The following SIL1 variants were observed in gnomAD, a reference collection of about 807,000 sequenced individuals.
SIL1 encodes SIL1 nucleotide exchange factor, also known as nucleotide exchange factor SIL1.
Under a neutral mutation model 49.1 loss-of-function variants are expected in SIL1, and 40 were observed. The ratio of observed to expected loss-of-function variants is 0.81; its 90% CI spans 0.63 to 1.06. SIL1 has a LOEUF of 1.06. SIL1 is among the 50% of genes least tolerant of loss of function. The pLI is 0.00. For synonymous variants in SIL1, 253 were observed against 250.8 expected, an observed-to-expected ratio of 1.01 and a Z score of -0.08; for missense variants, 500 against 572.6, an observed-to-expected ratio of 0.87 and a Z score of 1.29.
chr5:139,014,687 T>C (rs954159457), intron 7 of SIL1, among the ~76,000 whole-genome samples: 6 of 152,328 alleles, frequency 3.9e-5, no homozygotes, highest in Non-Finnish European at 5.9e-5. Context: ...CGTCATTATT[T>C]GCCATTTGAA....
intron 1 of SIL1, among the ~76,000 whole-genome samples, chr5:139,162,535 C>T (rs1160358912): frequency 6.6e-6 from 1 of 152,210 alleles, no homozygotes; most frequent in African/African-American, 2.4e-5. Flanking sequence ...TCTCCACAGA[C>T]TGTTCCAATT....
intron 1 of SIL1, among the ~76,000 whole-genome samples, chr5:139,193,261 T>G (rs1346647799): frequency 6.6e-6 from 1 of 152,060 alleles, no homozygotes; most frequent in African/African-American, 2.4e-5. Flanking sequence ...ACATCTGTGG[T>G]ATTAAAATTC....
intron 3 of SIL1, among the ~76,000 whole-genome samples, chr5:139,091,693 C>T (rs1176566397): frequency 6.6e-6 from 1 of 152,168 alleles, no homozygotes. Flanking sequence ...TGGCAATAAC[C>T]TGGATGAGCC....
intron 1 of SIL1, among the ~76,000 whole-genome samples, chr5:139,144,024 T>C (rs916068097): frequency 5.9e-5 from 9 of 152,236 alleles, no homozygotes; most frequent in African/African-American, 1.9e-4. Flanking sequence ...GCTAAAATGA[T>C]AGTATTACCC....
At chr5:139,142,141 C>G (rs1055517287) in intron 1 of SIL1, among the ~76,000 whole-genome samples, 1 of 152,180 alleles carries the variant, frequency 6.6e-6, no homozygotes, top group Non-Finnish European at 1.5e-5. Flanking sequence ...TTCACCTGGC[C>G]CAACTTCAAA....
In SIL1 at chr5:139,026,831, C is replaced by A; in HGVS notation, c.615G>T (p.Ala205=). ...GGACATAATATTCAAGATCAAAGAG[C>A]GCAGCAATCTTCTCTTCCAAACTGG... is the stretch of plus-strand genomic sequence containing the variant. ...SSSSLEEKIA[A]LFDLEYYVHQ... The change falls in exon 6 of 10, where the codon GCG becomes GCT. Residue 205 remains alanine, a synonymous_variant. Transcript: ENST00000394817. 6.2e-7 allele frequency: 1 copy of A among 1,614,010 alleles called. No homozygotes were observed.
At chr5:139,182,253 AT>A (rs1455022015) in intron 1 of SIL1, among the ~76,000 whole-genome samples, 1 of 152,172 alleles carries the variant, frequency 6.6e-6, no homozygotes, top group African/African-American at 2.4e-5. Context: ...TAAGGAGAAG[AT>A]TGCCCTCTCA....
intron 3 of SIL1, among the ~76,000 whole-genome samples, chr5:139,118,299 C>T (rs549292855): frequency 3.3e-5 from 5 of 152,290 alleles, no homozygotes; most frequent in African/African-American, 9.6e-5. Context: ...GTACCCTCAC[C>T]GGCATCCAGT....
intron 5 of SIL1, among the ~76,000 whole-genome samples, chr5:139,040,972 G>T (rs1038812386): frequency 6.6e-6 from 1 of 152,174 alleles, no homozygotes; most frequent in Non-Finnish European, 1.5e-5. Context: ...AGAGAACAAG[G>T]TTAAGTGGGT....
At chr5:139,082,488 C>A (rs1203947570) in intron 3 of SIL1, among the ~76,000 whole-genome samples, 3 of 152,192 alleles carry the variant, frequency 2.0e-5, no homozygotes, top group African/African-American at 7.2e-5. Flanking sequence ...TCATTTGATA[C>A]AAAGACCAGA....
At chr5:139,168,425 G>A (rs186999059) in intron 1 of SIL1, among the ~76,000 whole-genome samples, 1 of 152,146 alleles carries the variant, frequency 6.6e-6, no homozygotes, top group Admixed American at 6.5e-5. Context: ...TGTGTTCCTG[G>A]AGCAGCTTGC....
At position 139,004,547 on chromosome 5, in the gene SIL1, T is replaced by A. The variant is rs552546730; in HGVS notation, c.767+16624A>T. On this transcript the variant is annotated intron_variant, in intron 7 of 9. Coordinates refer to ENST00000394817, the MANE Select transcript of SIL1 (RefSeq NM_022464.5). The stretch of plus-strand genomic sequence containing the variant: ...ATCTCTTAACCTCTTTTTTCATTTT[T>A]CTGTCTATGCTGCACTTTAGGTAAT... 2.7e-3 allele frequency among the ~76,000 whole-genome samples: 411 copies of A among 152,308 alleles called. 3 individuals carry two copies. Among genetic ancestry groups the A allele is most frequent in the African/African-American group, 9.6e-3 (398 of 41,560 alleles).
chr5:139,025,916 T>A (rs1768638075), intron 6 of SIL1, among the ~76,000 whole-genome samples: 1 of 152,202 alleles, frequency 6.6e-6, no homozygotes, highest in Non-Finnish European at 1.5e-5. Flanking sequence ...CAAATAGGGG[T>A]TGCTGTGCCC....
chr5:139,129,783 G>A (rs190647905), intron 1 of SIL1, among the ~76,000 whole-genome samples: 4 of 152,304 alleles, frequency 2.6e-5, no homozygotes, highest in African/African-American at 9.6e-5. Context: ...AACTTAGAAG[G>A]AAACATAGAT....
intron 7 of SIL1, among the ~76,000 whole-genome samples, chr5:138,978,371 C>T (rs1255574664): frequency 6.6e-6 from 1 of 152,088 alleles, no homozygotes; most frequent in Admixed American, 6.5e-5. Flanking sequence ...TGTATCAGTA[C>T]TTCATTTCTT....
Position 139,011,233 on chromosome 5 carries a change from C to T in SIL1, c.767+9938G>A, listed in dbSNP as rs1156967148. ...TGGGAGTGACCCGATTTTCCAGGTG[C>T]GTCCGTCACCCCTTTCTTTGACTCG... On this transcript the variant is annotated intron_variant, in intron 7 of 9. Transcript: ENST00000394817. Among the ~76,000 whole-genome samples, 5 of 151,528 alleles carry T rather than the reference C, an allele frequency of 3.3e-5. No homozygotes were observed. In the East Asian group the frequency reaches 7.8e-4, roughly 24 times the overall value.
At chr5:138,998,347 T>C (rs1767917147) in intron 7 of SIL1, among the ~76,000 whole-genome samples, 1 of 152,114 alleles carries the variant, frequency 6.6e-6, no homozygotes. Context: ...TTTATATTTT[T>C]TGTAGAGATG....
chr5:139,180,854 G>C (rs2151819567), intron 1 of SIL1, among the ~76,000 whole-genome samples: 1 of 152,274 alleles, frequency 6.6e-6, no homozygotes, highest in Non-Finnish European at 1.5e-5. Flanking sequence ...AGTACCTGCA[G>C]GGTAGACAAT....
intron 7 of SIL1, among the ~76,000 whole-genome samples, chr5:139,020,745 T>C (rs1314148020): frequency 6.6e-6 from 1 of 152,192 alleles, no homozygotes; most frequent in African/African-American, 2.4e-5. Context: ...GGCATGTACA[T>C]TGGTTCCAGA....
Sources: gnomAD v4.1 joint callset for allele counts (sites outside exome capture counted in the v4.1 genomes callset) on GRCh38, gnomAD v4.1.1 for gene constraint, MANE v1.5 for transcripts, NCBI Gene and HGNC (gene_info 2026-07-23, HGNC 2026-07-21) for gene names.